The following FAT3 variants were observed in gnomAD, a reference collection of about 807,000 sequenced individuals.
FAT3 encodes protocadherin Fat 3.
Under a neutral mutation model 310.2 loss-of-function variants are expected in FAT3, and 95 were observed. The ratio of observed to expected loss-of-function variants is 0.31; its 90% CI spans 0.26 to 0.36. The LOEUF is 0.36. FAT3 is among the 10% of genes least tolerant of loss of function. FAT3 has a pLI of 1.00. For synonymous variants in FAT3, 2,314 were observed against 2,192.9 expected, an observed-to-expected ratio of 1.06 and a Z score of -1.54; for missense variants, 5,408 against 5,715.6, an observed-to-expected ratio of 0.95 and a Z score of 1.74.
intron 3 of FAT3, among the ~76,000 whole-genome samples, chr11:92,626,749 C>T (rs146694131): frequency 2.0e-3 from 305 of 152,214 alleles, no homozygotes; most frequent in African/African-American, 7.0e-3. Flanking sequence ...TTAAGGAAAG[C>T]CTAGAGTAAG....
chr11:92,459,283 T>A (rs1390282096), intron 2 of FAT3, among the ~76,000 whole-genome samples: 1 of 152,164 alleles, frequency 6.6e-6, no homozygotes, highest in Non-Finnish European at 1.5e-5. Flanking sequence ...TTTAGAGGGC[T>A]TGATGCATCC....
chr11:92,531,672 C>T (rs533671747), intron 3 of FAT3, among the ~76,000 whole-genome samples: 5 of 152,026 alleles, frequency 3.3e-5, no homozygotes, highest in African/African-American at 1.2e-4. Flanking sequence ...CCCAGATAAC[C>T]AGCCTTCCTC....
intron 2 of FAT3, among the ~76,000 whole-genome samples, chr11:92,442,286 T>C (rs1308968782): frequency 6.7e-6 from 1 of 148,858 alleles, no homozygotes. Context: ...GCTAATTTTT[T>C]GTATTTTTAG....
chr11:92,857,308 C>A lies in FAT3; in HGVS notation c.11460C>A (p.Phe3820Leu). 1 of 1,613,970 alleles carries A rather than the reference C, an allele frequency of 6.2e-7. No individual in the cohort carries two copies. Among genetic ancestry groups the A allele is most frequent in the Non-Finnish European group, 8.5e-7 (1 of 1,179,882 alleles). ...GTTATGAAGCCAGCAGGAGACCGTT[C>A]CTCTGCCAGTGTCCACCAGGGAAGC... ...CVSYEASRRPFLCQCPPGKLG... is the reference protein window; with the variant it reads ...CVSYEASRRPLLCQCPPGKLG... The change falls in exon 20 of 28, where the codon TTC becomes TTA. Residue 3820 changes from phenylalanine (F) to leucine (L), a missense_variant. Physicochemically the swap from Phe to Leu is conservative, Grantham distance 22 (BLOSUM62 0). Around this residue, in one of 5 missense-constraint regions of FAT3, gnomAD observed 4,588 missense variants for 4,809.8 expected, o/e 0.95. Coordinates refer to ENST00000525166, the MANE Select transcript of FAT3 (RefSeq NM_001367949.2).
chr11:92,301,580 C>A (rs1486848239), intron 1 of FAT3, among the ~76,000 whole-genome samples: 1 of 152,114 alleles, frequency 6.6e-6, no homozygotes, highest in Non-Finnish European at 1.5e-5. Flanking sequence ...GCAGAGCCAG[C>A]TTTGCTAGAT....
chr11:92,526,163 C>A (rs1277591994), intron 3 of FAT3, among the ~76,000 whole-genome samples: 2 of 152,098 alleles, frequency 1.3e-5, no homozygotes, highest in Admixed American at 1.3e-4. Context: ...CCTTTCAGAG[C>A]CCCATTAAGT....
intron 2 of FAT3, among the ~76,000 whole-genome samples, chr11:92,386,868 A>T (rs1949635932): frequency 1.3e-5 from 2 of 152,174 alleles, no homozygotes; most frequent in South Asian, 4.1e-4. Context: ...GGACTATATC[A>T]TGCCTTCATT....
chr11:92,305,913 T>C (rs1271656176), intron 1 of FAT3, among the ~76,000 whole-genome samples: 2 of 152,122 alleles, frequency 1.3e-5, no homozygotes. Context: ...TAAAATTGAG[T>C]AGTCTGTTAA....
chr11:92,890,601 CG>C lies in FAT3; in HGVS notation c.13261del (p.Glu4421SerfsTer26). On this transcript the variant is annotated frameshift_variant, in exon 28 of 28. Transcript: ENST00000525166. LOFTEE classifies it high-confidence loss of function. ...DGGSAHQGST[R>X]ELESDYYLGG... ...AGGGTCTGCACACCAGGGGAGCACA[CG>C]GGAGCTGGAGAGCGATTACTACCTG... 6.2e-7 allele frequency: 1 copy of C among 1,613,638 alleles called. No individual in the cohort carries two copies. Among genetic ancestry groups the C allele is most frequent in the Non-Finnish European group, 8.5e-7 (1 of 1,179,836 alleles).
chr11:92,331,186 A>C (rs1947914574), intron 1 of FAT3, among the ~76,000 whole-genome samples: 1 of 152,130 alleles, frequency 6.6e-6, no homozygotes. Flanking sequence ...GTAGATCAAG[A>C]GTAATTTAAC....
intron 3 of FAT3, among the ~76,000 whole-genome samples, chr11:92,552,966 G>A (rs1290372574): frequency 4.9e-5 from 7 of 144,144 alleles, no homozygotes; most frequent in Non-Finnish European, 9.2e-5. Flanking sequence ...AAAAATAAAA[G>A]AAAAGAAAAA....
chr11:92,821,702 G>T (rs1428238745), intron 13 of FAT3, among the ~76,000 whole-genome samples: 2 of 152,178 alleles, frequency 1.3e-5, no homozygotes, highest in Non-Finnish European at 2.9e-5. Context: ...GAACAGATCT[G>T]GATGCTCCCA....
intron 8 of FAT3, 86 bp from the exon 9 acceptor site, chr11:92,792,681 C>A: frequency 7.5e-7 from 1 of 1,326,718 alleles, no homozygotes; most frequent in East Asian, 2.3e-5. Flanking sequence ...TGCATTATTT[C>A]ATTTTGTTTT....
intron 13 of FAT3, among the ~76,000 whole-genome samples, chr11:92,825,556 AAGG>A (rs1318090549): frequency 2.0e-5 from 3 of 152,016 alleles, no homozygotes; most frequent in African/African-American, 7.2e-5. Context: ...CAGACCAGGG[AAGG>A]AGATGTGTGG....
intron 2 of FAT3, among the ~76,000 whole-genome samples, chr11:92,431,795 G>C (rs1396002732): frequency 6.6e-6 from 1 of 152,162 alleles, no homozygotes; most frequent in Non-Finnish European, 1.5e-5. Context: ...GTTTGTCAAA[G>C]ATCAGATGGT....
intron 25 of FAT3, among the ~76,000 whole-genome samples, chr11:92,888,362 A>G (rs1405580078): frequency 1.3e-5 from 2 of 152,152 alleles, no homozygotes; most frequent in Non-Finnish European, 2.9e-5. Flanking sequence ...GAAATACCTA[A>G]GAATATAGAG....
At chr11:92,815,417 C>CA (rs1334705907) in intron 13 of FAT3, among the ~76,000 whole-genome samples, 2 of 151,952 alleles carry the variant, frequency 1.3e-5, no homozygotes, top group South Asian at 2.1e-4. Context: ...ACTAAAAATA[C>CA]AAAAAATTCG....
At chr11:92,306,615 ATATT>A (rs1186821624) in intron 1 of FAT3, among the ~76,000 whole-genome samples, 1 of 125,098 alleles carries the variant, frequency 8.0e-6, no homozygotes, top group African/African-American at 3.0e-5. Flanking sequence ...TTTATATTAT[ATATT>A]TATATTATAT....
intron 3 of FAT3, among the ~76,000 whole-genome samples, chr11:92,659,844 G>A (rs1942716790): frequency 6.6e-6 from 1 of 152,088 alleles, no homozygotes; most frequent in Non-Finnish European, 1.5e-5. Flanking sequence ...AACTCAGACT[G>A]GAACTCCTGC....
Sources: gnomAD v4.1 joint callset for allele counts (sites outside exome capture counted in the v4.1 genomes callset) on GRCh38, gnomAD v4.1.1 for gene constraint, gnomAD v4.1.1 regional missense constraint, MANE v1.5 for transcripts, NCBI Gene and HGNC (gene_info 2026-07-23, HGNC 2026-07-21) for gene names.